The following ANXA11 variants were observed in gnomAD, a reference collection of about 807,000 sequenced individuals.
ANXA11 encodes annexin A11.
In ANXA11, 57 loss-of-function variants were observed where a neutral mutation model predicts 64.7. The observed-to-expected ratio is 0.88, with a 90% CI of 0.71 to 1.10. ANXA11 has a LOEUF of 1.10. ANXA11 is among the 50% of genes least tolerant of loss of function. ANXA11 has a pLI of 0.00. For missense variants in ANXA11, 675 were observed against 670.7 expected, an observed-to-expected ratio of 1.01 and a Z score of -0.07; for synonymous variants, 260 against 265.2, an observed-to-expected ratio of 0.98 and a Z score of 0.19.
chr10:80,189,166 G>A (rs1463674026), intron 1 of ANXA11, among the ~76,000 whole-genome samples: 7 of 152,200 alleles, frequency 4.6e-5, no homozygotes, highest in South Asian at 2.1e-4. Flanking sequence ...AGTGAGAAGC[G>A]TCCTTCAAAG....
intron 1 of ANXA11, among the ~76,000 whole-genome samples, chr10:80,189,873 A>G (rs527393021): frequency 6.6e-6 from 1 of 152,368 alleles, no homozygotes; most frequent in East Asian, 1.9e-4. Flanking sequence ...TCAAGTGCCC[A>G]TTGATGGATG....
At chr10:80,171,500 G>A (rs995248518) in intron 3 of ANXA11, 7 of 546,442 alleles carry the variant, frequency 1.3e-5, no homozygotes, top group African/African-American at 1.2e-4. Context: ...CAGCAGGACC[G>A]GTATGTGCCC....
intron 1 of ANXA11, among the ~76,000 whole-genome samples, chr10:80,190,820 G>A (rs1846743411): frequency 6.8e-6 from 1 of 147,428 alleles, no homozygotes; most frequent in African/African-American, 2.5e-5. Context: ...GCCAGGCACG[G>A]TGGCTCACGC....
chr10:80,187,732 G>A (rs1020208031), intron 1 of ANXA11, among the ~76,000 whole-genome samples: 1 of 152,130 alleles, frequency 6.6e-6, no homozygotes, highest in Non-Finnish European at 1.5e-5. Context: ...GGGAGCTTCT[G>A]CCAGGGCCCG....
intron 11 of ANXA11, among the ~76,000 whole-genome samples, 197 bp from the exon 12 acceptor site, chr10:80,162,225 C>CA (rs1845544164): frequency 6.6e-6 from 1 of 152,276 alleles, no homozygotes; most frequent in South Asian, 2.1e-4. Context: ...AAGCAGCAAT[C>CA]AGGGGCTGAG....
intron 1 of ANXA11, among the ~76,000 whole-genome samples, chr10:80,201,600 T>C (rs969840852): frequency 7.9e-5 from 12 of 151,984 alleles, no homozygotes; most frequent in African/African-American, 2.7e-4. Flanking sequence ...CTAGGGTGAG[T>C]GGGGGCGGTC....
intron 9 of ANXA11, among the ~76,000 whole-genome samples, 175 bp downstream of exon 9, chr10:80,163,878 A>T (rs536085477): frequency 2.2e-4 from 33 of 152,274 alleles, no homozygotes; most frequent in African/African-American, 7.9e-4. Context: ...CCATGTATAA[A>T]CAGAAGGAAG....
chr10:80,172,714 A>T, intron 3 of ANXA11, 93 bp downstream of exon 3: 2 of 1,263,398 alleles, frequency 1.6e-6, no homozygotes, highest in Non-Finnish European at 2.3e-6. Context: ...TGAGGGGAGG[A>T]GGGGAGTGAG....
At chr10:80,157,103 G>A in intron 15 of ANXA11, 5 of 974,220 alleles carry the variant, frequency 5.1e-6, no homozygotes, top group Non-Finnish European at 6.1e-6. Context: ...AGGAAGGAAC[G>A]ATTATTTTCT....
intron 13 of ANXA11, 111 bp from the exon 14 acceptor site, chr10:80,158,136 C>T (rs1186390754): frequency 5.3e-6 from 5 of 944,626 alleles, no homozygotes; most frequent in Admixed American, 2.0e-5. Flanking sequence ...CCCATCACTG[C>T]ATCCATCTTT....
At chr10:80,189,584 A>ATTG (rs1294336523) in intron 1 of ANXA11, among the ~76,000 whole-genome samples, 19 of 152,258 alleles carry the variant, frequency 1.2e-4, no homozygotes, top group African/African-American at 4.3e-4. Flanking sequence ...TGTTTCAGAC[A>ATTG]TTGTGGTCTT....
intron 1 of ANXA11, among the ~76,000 whole-genome samples, chr10:80,187,885 C>T (rs1422978682): frequency 6.6e-6 from 1 of 152,142 alleles, no homozygotes; most frequent in East Asian, 1.9e-4. Flanking sequence ...CCAGCTTCTC[C>T]CAGATCTCCT....
chr10:80,168,970 T>A lies in ANXA11; in HGVS notation c.560A>T (p.Gln187Leu). 1 of 1,527,102 alleles carries A rather than the reference T, an allele frequency of 6.5e-7. No individual in the cohort carries two copies. The highest frequency in any genetic ancestry group is 8.7e-7 in the Non-Finnish European group (1 of 1,142,872). 94.6% of individuals were successfully genotyped at this position (1,527,102 alleles called of 1,614,324 possible). A position where few individuals can be genotyped will look rare whatever the true frequency, so the allele number is the denominator to read the frequency against. Reference sequence around the variant, plus strand: ...GGGAGGCAGTGGGCTGACACTCACCTGGGTTGGGGGCACAGCGGGGGTGAC... The same window carrying A: ...GGGAGGCAGTGGGCTGACACTCACCAGGGTTGGGGGCACAGCGGGGGTGAC... ...GTVTPAVPPTQFGSRGTITDA... is the reference protein window; with the variant it reads ...GTVTPAVPPTLFGSRGTITDA... The change falls in exon 5 of 16, where the codon CAG (glutamine) becomes CTG (leucine). Residue 187 changes from glutamine to leucine, a missense_variant and splice_region_variant. Gln to Leu is a moderately radical substitution (Grantham distance 113). Transcript: ENST00000422982.
chr10:80,163,333 T>C lies in ANXA11; in HGVS notation c.1086+16A>G, dbSNP rs1010096342. 5 of 1,612,682 alleles carry C rather than the reference T, an allele frequency of 3.1e-6. No homozygotes were observed. In the Admixed American group the frequency reaches 6.7e-5, roughly 22 times the overall value. ...CCCTGCTTTAGGAAGTCCAGGGGCT[T>C]GGCCATCACACTCACCTGGGCATCT... is the stretch of plus-strand genomic sequence containing the variant. On this transcript the variant is annotated intron_variant, in intron 11 of 15. Transcript: ENST00000422982.
At chr10:80,195,552 C>T (rs1589452086) in intron 1 of ANXA11, among the ~76,000 whole-genome samples, 2 of 152,356 alleles carry the variant, frequency 1.3e-5, no homozygotes, top group African/African-American at 4.8e-5. Context: ...CAGCTCAGCA[C>T]TTTCCCTTTT....
rs1301264143 is a variant in ANXA11 at position 80,166,087 on chromosome 10, G to A, written c.855C>T (p.Ile285=). 6.5e-7 allele frequency: 1 copy of A among 1,549,260 alleles called. No individual in the cohort carries two copies. The highest frequency in any genetic ancestry group is 1.1e-5 in the South Asian group (1 of 88,122). Residue 285 remains isoleucine (I), a synonymous_variant, in exon 8 of 16, where the codon ATC becomes ATT. Transcript: ENST00000422982. ...LFDIYEIKEA[I]KGVGTDEACL... ...ACACACACACACACGTACACACCTT[G>A]ATGGCTTCCTTTATCTCATAAATGT...
At chr10:80,181,463 AAAAAAAT>A (rs781005322) in intron 1 of ANXA11, 11 of 152,090 alleles carry the variant, frequency 7.2e-5, no homozygotes, top group African/African-American at 9.7e-5. Context: ...ACCCTGTCTC[AAAAAAAT>A]AAAAAATAAA....
chr10:80,198,086 C>A (rs1207983968), intron 1 of ANXA11, among the ~76,000 whole-genome samples: 1 of 152,230 alleles, frequency 6.6e-6, no homozygotes, highest in African/African-American at 2.4e-5. Context: ...AAAGCCACAG[C>A]AGCTTGCCAG....
At chr10:80,181,282 C>T (rs537648217) in intron 1 of ANXA11, 20 of 152,162 alleles carry the variant, frequency 1.3e-4, no homozygotes, top group African/African-American at 4.6e-4. Flanking sequence ...GAGACCCTGT[C>T]GTTACAAAAA....
Sources: allele counts gnomAD v4.1 joint callset (sites outside exome capture counted in the v4.1 genomes callset), GRCh38; gene constraint gnomAD v4.1.1; transcripts MANE v1.5; gene names NCBI Gene and HGNC (gene_info 2026-07-23, HGNC 2026-07-21).